TMEM201: variants seen among roughly 807,000 people sequenced by gnomAD.
TMEM201 encodes RP13-15M17.2.
In TMEM201, 26 loss-of-function variants were observed where a neutral mutation model predicts 63.4. The observed-to-expected ratio is 0.41, with a 90% CI of 0.30 to 0.57. TMEM201 has a LOEUF of 0.57. Ranked by LOEUF, TMEM201 falls within the 20% of genes least tolerant of loss-of-function variation. The pLI, the probability that TMEM201 is intolerant of heterozygous loss-of-function variation, is 0.29. For missense variants in TMEM201, 794 were observed against 917.7 expected, an observed-to-expected ratio of 0.87 and a Z score of 1.74; for synonymous variants, 417 against 421.6, an observed-to-expected ratio of 0.99 and a Z score of 0.14.
At position 9,604,494 on chromosome 1, in the gene TMEM201, A is replaced by G; in HGVS notation, c.1160+2222A>G. ...TGGCAACAGCTGAGAGAGTGCAGGC[A>G]CCACTGTGTTGTGGCTTGTTGACCG... On this transcript the variant is annotated intron_variant, in intron 6 of 10. Transcript: ENST00000340381. The surrounding 1 kb of genome is among the most constrained non-coding windows in gnomAD (Gnocchi z 4.1). The G allele has an allele frequency of 1.0e-6, 1 of 985,430 alleles. No homozygotes were observed. The highest frequency in any genetic ancestry group is 4.7e-5 in the South Asian group (1 of 21,286). The allele number at this position is 985,430 out of a possible 1,614,324, so 61.0% of individuals were successfully genotyped here. A position where few individuals can be genotyped will look rare whatever the true frequency, so the allele number is the denominator to read the frequency against.
At chr1:9,591,001 T>C in intron 1 of TMEM201, among the ~76,000 whole-genome samples, 1 of 151,998 alleles carries the variant, frequency 6.6e-6, no homozygotes, top group East Asian at 1.9e-4. Flanking sequence ...AGCACAGAGA[T>C]GGACAGAGAG....
At chr1:9,601,061 C>T (rs752411656) in intron 4 of TMEM201, 44 bp from the exon 5 acceptor site, 1 of 1,523,606 alleles carries the variant, frequency 6.6e-7, no homozygotes, top group South Asian at 1.2e-5. Flanking sequence ...CTGGGGGTGG[C>T]TCTGTGGCCG....
intron 5 of TMEM201, among the ~76,000 whole-genome samples, chr1:9,601,819 C>A (rs1324292310): frequency 6.6e-6 from 1 of 152,174 alleles, no homozygotes; most frequent in African/African-American, 2.4e-5. Context: ...CCCCGTCGCC[C>A]CTGCTCACCG....
Position 9,605,071 on chromosome 1 carries a change from G to T in TMEM201, c.1161-2486G>T. 2 of 968,446 alleles carry T rather than the reference G, an allele frequency of 2.1e-6. No individual in the cohort carries two copies. The highest frequency in any genetic ancestry group is 2.5e-6 in the Non-Finnish European group (2 of 814,276). 60.0% of individuals were successfully genotyped at this position (968,446 alleles called of 1,614,324 possible). On this transcript the variant is annotated intron_variant, in intron 6 of 10. Coordinates refer to ENST00000340381, the MANE Select transcript of TMEM201 (RefSeq NM_001130924.3). The surrounding 1 kb of genome is among the most constrained non-coding windows in gnomAD (Gnocchi z 5.7). ...ACACGTCCACAGGAGTCAGGTTTGG[G>T]AGCCAGTGACAATGACACCAGCTGG... is the stretch of plus-strand genomic sequence containing the variant.
At position 9,597,002 on chromosome 1, in the gene TMEM201, C is replaced by T; in HGVS notation, c.378C>T (p.His126=). 1 of 1,611,926 alleles carries T rather than the reference C, an allele frequency of 6.2e-7. No individual in the cohort carries two copies. Among genetic ancestry groups the T allele is most frequent in the Non-Finnish European group, 8.5e-7 (1 of 1,178,860 alleles). Residue 126 remains histidine, a synonymous_variant, in exon 3 of 11, where the codon CAC becomes CAT. Coordinates refer to ENST00000340381, the MANE Select transcript of TMEM201 (RefSeq NM_001130924.3). ...TCCTGCTGTGCAAGAGGTGCAACCACCACCAGACCACCAAGATCAAGCAGC... is the reference window on the plus strand; with the variant it reads ...TCCTGCTGTGCAAGAGGTGCAACCATCACCAGACCACCAAGATCAAGCAGC... The part of the protein sequence containing the change: ...SQVLLCKRCN[H]HQTTKIKQLA...
rs991165851 is a variant in TMEM201, at chr1:9,610,634, C to G, written c.1594C>G (p.Arg532Gly). 2 of 1,550,712 alleles carry G rather than the reference C, an allele frequency of 1.3e-6. No homozygotes were observed. The highest frequency in any genetic ancestry group is 1.4e-5 in the African/African-American group (1 of 73,162). Reference protein sequence around the residue: ...RHRRPLISPARLNLKGQKLLL... With the variant: ...RHRRPLISPAGLNLKGQKLLL... ...CCGCAGGCCCCTCATCAGCCCTGCC[C>G]GGCTCAACCTGAAGGGACAGAAGCT... The change falls in exon 9 of 11, where the codon CGG becomes GGG. Residue 532 changes from arginine to glycine, a missense_variant. By Grantham distance (125) the Arg-to-Gly change is moderately radical. Coordinates refer to ENST00000340381, the MANE Select transcript of TMEM201 (RefSeq NM_001130924.3). The surrounding 1 kb of genome is among the most constrained non-coding windows in gnomAD (Gnocchi z 4.9).
chr1:9,590,314 T>C (rs1374133170), intron 1 of TMEM201, among the ~76,000 whole-genome samples: 1 of 152,204 alleles, frequency 6.6e-6, no homozygotes, highest in Non-Finnish European at 1.5e-5. Context: ...TTTGCTCACA[T>C]TCCCAGAGCA....
At position 9,604,158 on chromosome 1, in the gene TMEM201, G is replaced by A. The variant is rs1644200999; in HGVS notation, c.1160+1886G>A. The A allele has an allele frequency of 1.0e-6, 1 of 985,338 alleles. No individual in the cohort carries two copies. Among genetic ancestry groups the A allele is most frequent in the Admixed American group, 6.1e-5 (1 of 16,268 alleles). 61.0% of individuals were successfully genotyped at this position (985,338 alleles called of 1,614,324 possible). The stretch of plus-strand genomic sequence containing the variant: ...GCGTCTCGAATCTTCGGTTCTCGAG[G>A]AAGTGTTGACAGTGTGATGCTAATG... On this transcript the variant is annotated intron_variant, in intron 6 of 10. Coordinates refer to ENST00000340381, the MANE Select transcript of TMEM201 (RefSeq NM_001130924.3). This position sits in a 1 kb window ranked among gnomAD's most constrained non-coding sequence, Gnocchi z 4.1.
Position 9,607,147 on chromosome 1 carries a change from G to A in TMEM201, c.1161-410G>A, listed in dbSNP as rs1000393766. On this transcript the variant is annotated intron_variant, in intron 6 of 10. Coordinates refer to ENST00000340381, the MANE Select transcript of TMEM201 (RefSeq NM_001130924.3). This position sits in a 1 kb window ranked among gnomAD's most constrained non-coding sequence, Gnocchi z 5.4. ...GCCCGGCCGCTCTGTGGGAAGGCTC[G>A]GCACAGAACAAGAAGTGGCAAGGAG... 2.0e-5 allele frequency among the ~76,000 whole-genome samples: 3 copies of A among 152,180 alleles called. No individual in the cohort carries two copies. The highest frequency in any genetic ancestry group is 1.9e-4 in the East Asian group (1 of 5,200).
In TMEM201 at chr1:9,597,281, C is replaced by T. The variant is rs562471621; in HGVS notation, c.429+228C>T. ...CCCCGTTGGAGCTGAGCTGCTTCTC[C>T]CCATGTCTTACAGTCACTGCTATCG... On this transcript the variant is annotated intron_variant, in intron 3 of 10. Transcript: ENST00000340381. 2.9e-4 allele frequency among the ~76,000 whole-genome samples: 44 copies of T among 152,360 alleles called. No individual in the cohort carries two copies. The South Asian group carries it at 6.8e-3, about 24-fold the overall frequency.
At chr1:9,597,156 C>T (rs1049962698) in intron 3 of TMEM201, 103 bp downstream of exon 3, 1 of 1,343,758 alleles carries the variant, frequency 7.4e-7, no homozygotes. Flanking sequence ...TCCTCTGGCC[C>T]CTGCTCTGCT....
At position 9,598,600 on chromosome 1, in the gene TMEM201, G is replaced by A. The variant is rs766297986; in HGVS notation, c.581G>A (p.Arg194Gln). ...TTGCTCAGCCACCAGTTCAAGCGCC[G>A]GGAGGCCGACCAGACCCACGCACAG... ...ALLLSHQFKR[R>Q]EADQTHAQNF... Residue 194 changes from arginine (R) to glutamine (Q), a missense_variant, in exon 4 of 11, where the codon CGG becomes CAG. Physicochemically the swap from Arg to Gln is conservative, Grantham distance 43. Coordinates refer to ENST00000340381, the MANE Select transcript of TMEM201 (RefSeq NM_001130924.3). The A allele has an allele frequency of 1.7e-5, 28 of 1,613,168 alleles. No homozygotes were observed. Among genetic ancestry groups the A allele is most frequent in the East Asian group, 4.5e-5 (2 of 44,902 alleles).
chr1:9,593,365 G>A (rs1643954118), intron 1 of TMEM201, among the ~76,000 whole-genome samples: 1 of 152,156 alleles, frequency 6.6e-6, no homozygotes, highest in South Asian at 2.1e-4. Context: ...ACCTTTCAGG[G>A]CTCACCCCCA....
intron 5 of TMEM201, 77 bp from the exon 6 acceptor site, chr1:9,601,992 C>CA (rs1189535805): frequency 6.6e-7 from 1 of 1,515,000 alleles, no homozygotes; most frequent in East Asian, 2.4e-5. Flanking sequence ...CAGGTATAGA[C>CA]AGAGGAGGCA....
Position 9,609,863 on chromosome 1 carries a change from A to G in TMEM201, c.1417A>G (p.Ser473Gly). The part of the protein sequence containing the change: ...RADSGYLFSG[S>G]RPPSQVSRSG... ...AGACTCCGGCTATCTGTTCAGCGGT[A>G]GCCGCCCACCATCTCAGGTGTCTCG... The change falls in exon 8 of 11, where the codon AGC (serine) becomes GGC (glycine). Residue 473 changes from serine (S) to glycine (G), a missense_variant. Coordinates refer to ENST00000340381, the MANE Select transcript of TMEM201 (RefSeq NM_001130924.3). 6.4e-7 allele frequency: 1 copy of G among 1,551,420 alleles called. No homozygotes were observed. Among genetic ancestry groups the G allele is most frequent in the Non-Finnish European group, 8.7e-7 (1 of 1,146,944 alleles).
intron 4 of TMEM201, among the ~76,000 whole-genome samples, chr1:9,599,552 G>T (rs1334883798): frequency 1.3e-5 from 2 of 152,160 alleles, no homozygotes; most frequent in African/African-American, 4.8e-5. Flanking sequence ...ACCGCACCCG[G>T]CCTCCAAATA....
chr1:9,595,847 G>A (rs753794618), intron 1 of TMEM201, 43 bp from the exon 2 acceptor site: 1 of 1,609,638 alleles, frequency 6.2e-7, no homozygotes, highest in Non-Finnish European at 8.5e-7. Flanking sequence ...TCCAGCAGGT[G>A]CTGGGGTCTT....
At chr1:9,595,859 C>T (rs765123643) in intron 1 of TMEM201, 31 bp from the exon 2 acceptor site, 2 of 1,611,252 alleles carry the variant, frequency 1.2e-6, no homozygotes, top group East Asian at 4.5e-5. Context: ...TGGGGTCTTC[C>T]AGGCCAACCC....
Position 9,596,855 on chromosome 1 carries a change from GCAGAAC to G in TMEM201, c.235-3_237del. 1 of 1,579,666 alleles carries G rather than the reference GCAGAAC, an allele frequency of 6.3e-7. No homozygotes were observed. Among genetic ancestry groups the G allele is most frequent in the Non-Finnish European group, 8.7e-7 (1 of 1,154,990 alleles). ...CTGCCTCGAGTCCCACCTCTCTCCC[GCAGAAC>G]GGCGACTACAACAAGCCGATCCCCG... On this transcript the variant is annotated splice_acceptor_variant and splice_polypyrimidine_tract_variant and coding_sequence_variant and intron_variant, in exon 3 of 11. Transcript: ENST00000340381. LOFTEE classifies it high-confidence loss of function.
Sources: gnomAD v4.1 joint callset for allele counts (sites outside exome capture counted in the v4.1 genomes callset) on GRCh38, gnomAD v4.1.1 for gene constraint, Gnocchi (gnomAD v3.1) non-coding constraint, MANE v1.5 for transcripts, NCBI Gene and HGNC (gene_info 2026-07-23, HGNC 2026-07-21) for gene names.